Variants in P2RY1 observed in about 807,000 individuals in gnomAD.
P2RY1 encodes purinergic receptor P2Y1.
A neutral mutation model predicts 22.8 loss-of-function variants in P2RY1; 14 were observed. That is an observed-to-expected ratio of 0.61 (90% confidence interval 0.41 to 0.96). The LOEUF (loss-of-function observed/expected upper bound fraction) is 0.96, where lower values mean the gene tolerates loss of function less well. P2RY1 is among the 40% of genes least tolerant of loss of function. The pLI, the probability that P2RY1 is intolerant of heterozygous loss-of-function variation, is 0.00. For synonymous variants in P2RY1, 200 were observed against 195.1 expected (o/e 1.03, Z -0.21); for missense variants, 395 against 470.3 (o/e 0.84, Z 1.48).
rs776845491 is a variant in P2RY1, at chr3:152,836,227, C to T, written c.445C>T (p.Arg149Trp). 3 of 1,614,022 alleles carry T rather than the reference C, an allele frequency of 1.9e-6. No homozygotes were observed. Among genetic ancestry groups the T allele is most frequent in the South Asian group, 2.2e-5 (2 of 91,070 alleles). ...GTTTCTGACATGCATCAGTGCCCAC[C>T]GGTACAGCGGTGTGGTGTACCCCCT... ...ILFLTCISAH[R>W]YSGVVYPLKS... Residue 149 changes from arginine to tryptophan, a missense_variant, in exon 1 of 1, where the codon CGG becomes TGG. Coordinates refer to ENST00000305097, the MANE Select transcript of P2RY1 (RefSeq NM_002563.5). The surrounding 1 kb of genome is among the most constrained non-coding windows in gnomAD (Gnocchi z 5.6).
chr3:152,836,447 C>T lies in P2RY1; in HGVS notation c.665C>T (p.Thr222Ile). The T allele has an allele frequency of 1.2e-6, 2 of 1,614,152 alleles. No homozygotes were observed. Among genetic ancestry groups the T allele is most frequent in the Non-Finnish European group, 1.7e-6 (2 of 1,180,014 alleles). Residue 222 changes from threonine (T) to isoleucine (I), a missense_variant, in exon 1 of 1, where the codon ACC becomes ATC. Thr to Ile is a moderately conservative substitution (Grantham distance 89). Transcript: ENST00000305097. The surrounding 1 kb of genome is among the most constrained non-coding windows in gnomAD (Gnocchi z 5.6). ...RSYFIYSMCT[T>I]VAMFCVPLVL... ...TATTTCATCTACAGCATGTGCACGA[C>T]CGTGGCCATGTTCTGTGTCCCCTTG...
Position 152,838,502 on chromosome 3 carries a change from A to T in P2RY1, c.*1598A>T, listed in dbSNP as rs1303726375. 6.6e-6 allele frequency: 1 copy of T among 152,198 alleles called. No individual in the cohort carries two copies. Among genetic ancestry groups the T allele is most frequent in the Non-Finnish European group, 1.5e-5 (1 of 68,022 alleles). 9.4% of individuals were successfully genotyped at this position (152,198 alleles called of 1,614,324 possible). ...AGAGTTTGCAACTGATGGTGGCATA[A>T]CTTGTTTGAAAGCACTTTACAAGTA... On this transcript the variant is annotated 3_prime_UTR_variant, in exon 1 of 1. Transcript: ENST00000305097.
In P2RY1 at chr3:152,838,167, A is replaced by G. The variant is rs950607974; in HGVS notation, c.*1263A>G. 3.3e-5 allele frequency: 5 copies of G among 152,858 alleles called. No individual in the cohort carries two copies. The highest frequency in any genetic ancestry group is 9.6e-5 in the African/African-American group (4 of 41,454). The allele number at this position is 152,858 out of a possible 1,614,324, so 9.5% of individuals were successfully genotyped here. ...AAAACATATATATGGAGGGAAATATAGAGAATTAAAGTACCTAGATGCCAT... is the reference window on the plus strand; with the variant it reads ...AAAACATATATATGGAGGGAAATATGGAGAATTAAAGTACCTAGATGCCAT... On this transcript the variant is annotated 3_prime_UTR_variant, in exon 1 of 1. Transcript: ENST00000305097.
Position 152,837,549 on chromosome 3 carries a change from A to T in P2RY1, c.*645A>T, listed in dbSNP as rs566152258. On this transcript the variant is annotated 3_prime_UTR_variant, in exon 1 of 1. Transcript: ENST00000305097. ...ATTGTTTTCCAGTTATTTCTGGAAAAGGTCTCATTATATATTGGGTGCTAA... is the reference window on the plus strand; with the variant it reads ...ATTGTTTTCCAGTTATTTCTGGAAATGGTCTCATTATATATTGGGTGCTAA... The T allele has an allele frequency of 6.0e-6, 1 of 167,946 alleles. No homozygotes were observed. Among genetic ancestry groups the T allele is most frequent in the Admixed American group, 6.5e-5 (1 of 15,312 alleles). The allele number at this position is 167,946 out of a possible 1,614,324, so 10.4% of individuals were successfully genotyped here.
rs1032645042 is a variant in P2RY1, at chr3:152,839,727, G to T, written c.*2823G>T. On this transcript the variant is annotated 3_prime_UTR_variant, in exon 1 of 1. Transcript: ENST00000305097. ...ATTTAAAAGTTGGATGACATCCATT[G>T]TTGGGGCCTTGGGGGATATGGTAAA... 2.0e-5 allele frequency: 3 copies of T among 152,222 alleles called. No homozygotes were observed. 9.4% of individuals were successfully genotyped at this position (152,222 alleles called of 1,614,324 possible). A position where few individuals can be genotyped will look rare whatever the true frequency, so the allele number is the denominator to read the frequency against.
Position 152,840,682 on chromosome 3 carries a change from T to G in P2RY1, c.*3778T>G, listed in dbSNP as rs1716275803. The G allele has an allele frequency of 6.6e-6, 1 of 152,206 alleles. No homozygotes were observed. Among genetic ancestry groups the G allele is most frequent in the South Asian group, 2.1e-4 (1 of 4,828 alleles). 9.4% of individuals were successfully genotyped at this position (152,206 alleles called of 1,614,324 possible). A position where few individuals can be genotyped will look rare whatever the true frequency, so the allele number is the denominator to read the frequency against. ...GCTGGTATAATCGGTTACTGCTGCT[T>G]AGTTCTACTTAATTTTTTGTGTTGC... On this transcript the variant is annotated 3_prime_UTR_variant, in exon 1 of 1. Coordinates refer to ENST00000305097, the MANE Select transcript of P2RY1 (RefSeq NM_002563.5).
In P2RY1 at chr3:152,838,424, C is replaced by T. The variant is rs1716223933; in HGVS notation, c.*1520C>T. On this transcript the variant is annotated 3_prime_UTR_variant, in exon 1 of 1. Coordinates refer to ENST00000305097, the MANE Select transcript of P2RY1 (RefSeq NM_002563.5). ...TGCAATTGACAATCCCAAACAAATCCAGTGTCAAAGGAATTTTTAGTTTTG... is the reference window on the plus strand; with the variant it reads ...TGCAATTGACAATCCCAAACAAATCTAGTGTCAAAGGAATTTTTAGTTTTG... The T allele has an allele frequency of 6.6e-6, 1 of 152,072 alleles. No individual in the cohort carries two copies. The highest frequency in any genetic ancestry group is 6.5e-5 in the Admixed American group (1 of 15,274). 9.4% of individuals were successfully genotyped at this position (152,072 alleles called of 1,614,324 possible).
chr3:152,836,417 G>C lies in P2RY1; in HGVS notation c.635G>C (p.Arg212Pro). ...GACACCACCTCAGACGAGTACCTGC[G>C]AAGTTATTTCATCTACAGCATGTGC... is the stretch of plus-strand genomic sequence containing the variant. The part of the protein sequence containing the change: ...CYDTTSDEYL[R>P]SYFIYSMCTT... The change falls in exon 1 of 1, where the codon CGA becomes CCA. Residue 212 changes from arginine to proline, a missense_variant. Arg to Pro is a moderately radical substitution (Grantham distance 103). Transcript: ENST00000305097. The surrounding 1 kb of genome is among the most constrained non-coding windows in gnomAD (Gnocchi z 5.6). 6.2e-7 allele frequency: 1 copy of C among 1,614,108 alleles called. No homozygotes were observed.
Position 152,835,181 on chromosome 3 carries a change from C to A in P2RY1, c.-602C>A. ...AAGGGGTTCCTGAACTACGCGGACGCCGAACGGGACGCGCTGCAGAAGCGC... is the reference window on the plus strand; with the variant it reads ...AAGGGGTTCCTGAACTACGCGGACGACGAACGGGACGCGCTGCAGAAGCGC... On this transcript the variant is annotated 5_prime_UTR_variant, in exon 1 of 1. Transcript: ENST00000305097. 6.5e-6 allele frequency: 1 copy of A among 152,766 alleles called. No homozygotes were observed. The highest frequency in any genetic ancestry group is 1.9e-4 in the East Asian group (1 of 5,206). 9.5% of individuals were successfully genotyped at this position (152,766 alleles called of 1,614,324 possible).
In P2RY1 at chr3:152,835,883, C is replaced by G; in HGVS notation, c.101C>G (p.Ala34Gly). 6.2e-7 allele frequency: 1 copy of G among 1,613,988 alleles called. No individual in the cohort carries two copies. Among genetic ancestry groups the G allele is most frequent in the Non-Finnish European group, 8.5e-7 (1 of 1,180,040 alleles). ...GGGAACAGCACGGTCGCCTCCACTGCCGCCGTCTCCTCGTCGTTCAAATGC... is the reference window on the plus strand; with the variant it reads ...GGGAACAGCACGGTCGCCTCCACTGGCGCCGTCTCCTCGTCGTTCAAATGC... ...SWGNSTVAST[A>G]AVSSSFKCAL... is the part of the protein sequence containing the mutation. The change falls in exon 1 of 1, where the codon GCC becomes GGC. Residue 34 changes from alanine (A) to glycine (G), a missense_variant. Around this residue, in one of 3 missense-constraint regions of P2RY1, gnomAD observed 98 missense variants for 87.7 expected, o/e 1.12. Coordinates refer to ENST00000305097, the MANE Select transcript of P2RY1 (RefSeq NM_002563.5).
Position 152,836,076 on chromosome 3 carries a change from C to G in P2RY1, c.294C>G (p.Phe98Leu), listed in dbSNP as rs1318903620. ...VYMFNLALADFLYVLTLPALI... is the reference protein window; with the variant it reads ...VYMFNLALADLLYVLTLPALI... ...TGTTCAATTTGGCTCTGGCCGACTT[C>G]TTGTACGTGCTGACTCTGCCAGCCC... The change falls in exon 1 of 1, where the codon TTC becomes TTG. Residue 98 changes from phenylalanine (F) to leucine (L), a missense_variant. Coordinates refer to ENST00000305097, the MANE Select transcript of P2RY1 (RefSeq NM_002563.5). The surrounding 1 kb of genome is among the most constrained non-coding windows in gnomAD (Gnocchi z 5.6). 6.2e-7 allele frequency: 1 copy of G among 1,614,184 alleles called. No individual in the cohort carries two copies. The highest frequency in any genetic ancestry group is 1.7e-5 in the Admixed American group (1 of 60,030).
rs1716158748 is a variant in P2RY1, at chr3:152,836,374, A to G, written c.592A>G (p.Lys198Glu). 2.5e-6 allele frequency: 4 copies of G among 1,614,082 alleles called. No homozygotes were observed. Among genetic ancestry groups the G allele is most frequent in the Non-Finnish European group, 3.4e-6 (4 of 1,180,008 alleles). The change falls in exon 1 of 1, where the codon AAA (lysine) becomes GAA (glutamate). Residue 198 changes from lysine (K) to glutamate (E), a missense_variant. Physicochemically the swap from Lys to Glu is moderately conservative, Grantham distance 56. Around this residue, in one of 3 missense-constraint regions of P2RY1, gnomAD observed 291 missense variants for 361.6 expected, o/e 0.80. Coordinates refer to ENST00000305097, the MANE Select transcript of P2RY1 (RefSeq NM_002563.5). This position sits in a 1 kb window ranked among gnomAD's most constrained non-coding sequence, Gnocchi z 5.6. Reference protein sequence around the residue: ...FYSGTGVRKNKTITCYDTTSD... With the variant: ...FYSGTGVRKNETITCYDTTSD... The stretch of plus-strand genomic sequence containing the variant: ...CTCAGGTACCGGGGTCCGCAAAAAC[A>G]AAACCATCACCTGTTACGACACCAC...
Position 152,840,382 on chromosome 3 carries a change from CTATCATAAGAT to C in P2RY1, c.*3479_*3489del, listed in dbSNP as rs1716269287. 6.6e-6 allele frequency: 1 copy of C among 152,082 alleles called. No individual in the cohort carries two copies. The highest frequency in any genetic ancestry group is 2.4e-5 in the African/African-American group (1 of 41,400). 9.4% of individuals were successfully genotyped at this position (152,082 alleles called of 1,614,324 possible). A position where few individuals can be genotyped will look rare whatever the true frequency, so the allele number is the denominator to read the frequency against. ...TATATAGACACAATTTGGTGTCAGA[CTATCATAAGAT>C]CGATAGTGAATATAAAATATCTTAG... On this transcript the variant is annotated 3_prime_UTR_variant, in exon 1 of 1. Transcript: ENST00000305097.
Position 152,836,643 on chromosome 3 carries a change from G to A in P2RY1, c.861G>A (p.Arg287=). Residue 287 remains arginine (R), a synonymous_variant, in exon 1 of 1, where the codon CGG becomes CGA. Coordinates refer to ENST00000305097, the MANE Select transcript of P2RY1 (RefSeq NM_002563.5). This position sits in a 1 kb window ranked among gnomAD's most constrained non-coding sequence, Gnocchi z 5.6. ...HVMKTMNLRA[R]LDFQTPAMCA... ...TGAAAACGATGAACTTGAGGGCCCG[G>A]CTTGATTTTCAGACCCCAGCAATGT... 6.2e-7 allele frequency: 1 copy of A among 1,614,146 alleles called. No homozygotes were observed. Among genetic ancestry groups the A allele is most frequent in the Middle Eastern group, 1.6e-4 (1 of 6,062 alleles).
rs1716243538 is a variant in P2RY1 at position 152,839,284 on chromosome 3, T to G, written c.*2380T>G. 6.6e-6 allele frequency: 1 copy of G among 151,980 alleles called. No homozygotes were observed. Among genetic ancestry groups the G allele is most frequent in the Non-Finnish European group, 1.5e-5 (1 of 68,024 alleles). The allele number at this position is 151,980 out of a possible 1,614,324, so 9.4% of individuals were successfully genotyped here. A position where few individuals can be genotyped will look rare whatever the true frequency, so the allele number is the denominator to read the frequency against. Reference sequence around the variant, plus strand: ...TAACAAGAATGATCTTGCCAACTCCTTCCAAGCCAAAAGAAGCCTCTGGGA... The same window carrying G: ...TAACAAGAATGATCTTGCCAACTCCGTCCAAGCCAAAAGAAGCCTCTGGGA... On this transcript the variant is annotated 3_prime_UTR_variant, in exon 1 of 1. Transcript: ENST00000305097.
In P2RY1 at chr3:152,840,873, T is replaced by C. The variant is rs890815297; in HGVS notation, c.*3969T>C. 6.6e-6 allele frequency: 1 copy of C among 152,212 alleles called. No homozygotes were observed. Among genetic ancestry groups the C allele is most frequent in the Non-Finnish European group, 1.5e-5 (1 of 68,024 alleles). 9.4% of individuals were successfully genotyped at this position (152,212 alleles called of 1,614,324 possible). A position where few individuals can be genotyped will look rare whatever the true frequency, so the allele number is the denominator to read the frequency against. ...TAGTGATAATTGTATATTATTTGGCTGCTGAATTCTGTTAGAGTTTTTTAT... is the reference window on the plus strand; with the variant it reads ...TAGTGATAATTGTATATTATTTGGCCGCTGAATTCTGTTAGAGTTTTTTAT... On this transcript the variant is annotated 3_prime_UTR_variant, in exon 1 of 1. Coordinates refer to ENST00000305097, the MANE Select transcript of P2RY1 (RefSeq NM_002563.5).
rs143383110 is a variant in P2RY1, at chr3:152,840,902, G to A, written c.*3998G>A. The A allele has an allele frequency of 3.0e-4, 46 of 151,928 alleles. 1 individual carries two copies. The highest frequency in any genetic ancestry group is 1.1e-3 in the African/African-American group (44 of 41,420). The allele number at this position is 151,928 out of a possible 1,614,324, so 9.4% of individuals were successfully genotyped here. Reference sequence around the variant, plus strand: ...GAATTCTGTTAGAGTTTTTTATTCTGTTGTACATTGTATTATACACATAAT... The same window carrying A: ...GAATTCTGTTAGAGTTTTTTATTCTATTGTACATTGTATTATACACATAAT... On this transcript the variant is annotated 3_prime_UTR_variant, in exon 1 of 1. Transcript: ENST00000305097.
At position 152,835,938 on chromosome 3, in the gene P2RY1, C is replaced by A; in HGVS notation, c.156C>A (p.Tyr52Ter). ...CALTKTGFQF[Y>*]YLPAVYILVF... ...TGACCAAGACGGGCTTCCAGTTTTA[C>A]TACCTGCCGGCTGTCTACATCTTGG... Residue 52 changes from tyrosine to a stop codon, truncating the protein, a stop_gained, in exon 1 of 1, where the codon TAC (tyrosine) becomes TAA (stop). Transcript: ENST00000305097. LOFTEE classifies it high-confidence loss of function. The A allele has an allele frequency of 6.2e-7, 1 of 1,614,216 alleles. No homozygotes were observed. Among genetic ancestry groups the A allele is most frequent in the Non-Finnish European group, 8.5e-7 (1 of 1,180,044 alleles).
At position 152,840,838 on chromosome 3, in the gene P2RY1, C is replaced by G. The variant is rs1716279317; in HGVS notation, c.*3934C>G. On this transcript the variant is annotated 3_prime_UTR_variant, in exon 1 of 1. Coordinates refer to ENST00000305097, the MANE Select transcript of P2RY1 (RefSeq NM_002563.5). Reference sequence around the variant, plus strand: ...TTTTGTTTAGTTGATAACTTAAATTCCAAGTTTCATAGTGATAATTGTATA... The same window carrying G: ...TTTTGTTTAGTTGATAACTTAAATTGCAAGTTTCATAGTGATAATTGTATA... The G allele has an allele frequency of 6.6e-6, 1 of 151,754 alleles. No individual in the cohort carries two copies. Among genetic ancestry groups the G allele is most frequent in the South Asian group, 2.1e-4 (1 of 4,808 alleles). 9.4% of individuals were successfully genotyped at this position (151,754 alleles called of 1,614,324 possible).
Sources: gnomAD v4.1 joint callset for allele counts on GRCh38, gnomAD v4.1.1 for gene constraint, gnomAD v4.1.1 regional missense constraint, Gnocchi (gnomAD v3.1) non-coding constraint, MANE v1.5 for transcripts, NCBI Gene and HGNC (gene_info 2026-07-23, HGNC 2026-07-21) for gene names.